The following CNTNAP2 variants were observed in gnomAD, a reference collection of about 807,000 sequenced individuals.
CNTNAP2 encodes contactin associated protein 2, also known as contactin-associated protein-like 2.
Under a neutral mutation model 155.2 loss-of-function variants are expected in CNTNAP2, and 98 were observed. The observed-to-expected ratio is 0.63, with a 90% CI of 0.54 to 0.75. The LOEUF (loss-of-function observed/expected upper bound fraction) is 0.75. CNTNAP2 is among the 30% of genes least tolerant of loss of function. CNTNAP2 has a pLI of 0.00. For missense variants in CNTNAP2, 1,727 were observed against 1,688.1 expected (o/e 1.02, Z -0.40); for synonymous variants, 651 against 631.2 (o/e 1.03, Z -0.47).
chr7:146,628,173 T>C (rs1212298519), intron 1 of CNTNAP2, among the ~76,000 whole-genome samples: 1 of 152,130 alleles, frequency 6.6e-6, no homozygotes, highest in African/African-American at 2.4e-5. Context: ...ACCATTCCTA[T>C]CACCTCAGCA....
At chr7:147,203,295 A>T (rs1802957504) in intron 8 of CNTNAP2, among the ~76,000 whole-genome samples, 1 of 152,040 alleles carries the variant, frequency 6.6e-6, no homozygotes, top group African/African-American at 2.4e-5. Context: ...CCCTGGCTGG[A>T]GTGCAATGGT....
intron 13 of CNTNAP2, among the ~76,000 whole-genome samples, chr7:147,807,553 C>T (rs115479918): frequency 5.7e-4 from 87 of 152,120 alleles, no homozygotes; most frequent in Middle Eastern, 3.4e-3. Context: ...TCTCAGAGCA[C>T]GTAGTCATTC....
intron 1 of CNTNAP2, among the ~76,000 whole-genome samples, chr7:146,323,684 G>A (rs1801044320): frequency 6.6e-6 from 1 of 152,048 alleles, no homozygotes; most frequent in South Asian, 2.1e-4. Context: ...TCTTCTAGGA[G>A]AAACTATAGG....
chr7:146,953,586 C>T (rs536315066), intron 3 of CNTNAP2, among the ~76,000 whole-genome samples: 1 of 151,840 alleles, frequency 6.6e-6, no homozygotes, highest in African/African-American at 2.4e-5. Flanking sequence ...TAAAACAATA[C>T]CTCTTGCATC....
intron 11 of CNTNAP2, among the ~76,000 whole-genome samples, chr7:147,538,635 G>T (rs976042737): frequency 2.0e-5 from 3 of 152,060 alleles, no homozygotes; most frequent in African/African-American, 7.2e-5. Flanking sequence ...GGGAAACAGA[G>T]TGAGATTATA....
At position 146,651,182 on chromosome 7, in the gene CNTNAP2, G is replaced by A. The variant is rs930589255; in HGVS notation, c.98-123089G>A. Among the ~76,000 whole-genome samples the A allele has an allele frequency of 5.9e-5, 9 of 152,208 alleles. No homozygotes were observed. In the East Asian group the frequency reaches 9.6e-4, roughly 16 times the overall value. ...AGTAAGTGAAAAACTGAAAAATTGC[G>A]TATTTTTTTAGAGCAGCTTAGTGGA... On this transcript the variant is annotated intron_variant, in intron 1 of 23. Transcript: ENST00000361727.
chr7:146,932,941 T>C (rs1796810810), intron 3 of CNTNAP2, among the ~76,000 whole-genome samples: 1 of 151,924 alleles, frequency 6.6e-6, no homozygotes, highest in African/African-American at 2.4e-5. Context: ...TAAAACAGGA[T>C]ACAAAGAAAT....
At chr7:146,325,631 G>A (rs1185762655) in intron 1 of CNTNAP2, among the ~76,000 whole-genome samples, 1 of 151,780 alleles carries the variant, frequency 6.6e-6, no homozygotes. Context: ...CACAGGGAGA[G>A]AGAGAGAGAT....
intron 18 of CNTNAP2, among the ~76,000 whole-genome samples, chr7:148,210,615 T>C (rs1795530260): frequency 6.6e-6 from 1 of 152,216 alleles, no homozygotes; most frequent in Non-Finnish European, 1.5e-5. Context: ...AGATTTTTCT[T>C]TGGCATTTTT....
At chr7:146,571,959 TC>T (rs917402501) in intron 1 of CNTNAP2, among the ~76,000 whole-genome samples, 1 of 151,994 alleles carries the variant, frequency 6.6e-6, no homozygotes, top group South Asian at 2.1e-4. Context: ...CCTCAGATGA[TC>T]CCCCCACCTC....
chr7:148,230,800 G>A (rs1350486331), intron 20 of CNTNAP2, among the ~76,000 whole-genome samples: 1 of 152,132 alleles, frequency 6.6e-6, no homozygotes, highest in Non-Finnish European at 1.5e-5. Flanking sequence ...TCAATCAAAG[G>A]TGGCATAATA....
chr7:148,327,983 T>A (rs1585276083), intron 21 of CNTNAP2, among the ~76,000 whole-genome samples: 1 of 152,102 alleles, frequency 6.6e-6, no homozygotes, highest in Admixed American at 6.6e-5. Flanking sequence ...ACAAAGGTAG[T>A]TAGGGCCTTG....
At chr7:146,287,114 A>G (rs1800349436) in intron 1 of CNTNAP2, among the ~76,000 whole-genome samples, 1 of 152,200 alleles carries the variant, frequency 6.6e-6, no homozygotes, top group South Asian at 2.1e-4. Flanking sequence ...GTAGACAGGG[A>G]CATTTCTGTT....
chr7:147,110,671 C>T (rs1800857028), intron 5 of CNTNAP2, among the ~76,000 whole-genome samples: 1 of 152,260 alleles, frequency 6.6e-6, no homozygotes, highest in South Asian at 2.1e-4. Context: ...CAATAGCCTC[C>T]AGCTCCATCC....
chr7:147,497,711 T>C (rs1017455068), intron 11 of CNTNAP2, among the ~76,000 whole-genome samples: 2 of 152,146 alleles, frequency 1.3e-5, no homozygotes, highest in African/African-American at 4.8e-5. Context: ...GATGGAAACA[T>C]ATCCCTACTC....
chr7:146,785,610 A>G (rs1379248286), intron 2 of CNTNAP2, among the ~76,000 whole-genome samples: 2 of 152,248 alleles, frequency 1.3e-5, no homozygotes, highest in East Asian at 1.9e-4. Context: ...ACTATCTCAC[A>G]AATTGTTTGG....
chr7:146,163,609 G>A (rs1045361545), intron 1 of CNTNAP2, among the ~76,000 whole-genome samples: 3 of 143,872 alleles, frequency 2.1e-5, no homozygotes, highest in Admixed American at 7.0e-5. Flanking sequence ...ATATCAGGGC[G>A]TGGTGACAGA....
intron 8 of CNTNAP2, among the ~76,000 whole-genome samples, chr7:147,194,976 T>G (rs1802755609): frequency 6.6e-6 from 1 of 152,234 alleles, no homozygotes; most frequent in Non-Finnish European, 1.5e-5. Context: ...TTTGGCATTT[T>G]TGTCATGAAG....
chr7:146,721,889 A>ATATTTTTTTTTTTTTTTTTTT lies in CNTNAP2; in HGVS notation c.98-52381_98-52380insATTTTTTTTTTTTTTTTTTTT. Reference sequence around the variant, plus strand: ...TGTGTGTGTGTGTATATATATATATATTTTTTTTTTTTTTTTTGAGATGGA... The same window carrying ATATTTTTTTTTTTTTTTTTTT: ...TGTGTGTGTGTGTATATATATATATATATTTTTTTTTTTTTTTTTTTTTTTTTTTTTTTTTTTTGAGATGGA... On this transcript the variant is annotated intron_variant, in intron 1 of 23. Transcript: ENST00000361727. Among the ~76,000 whole-genome samples the ATATTTTTTTTTTTTTTTTTTT allele has an allele frequency of 5.7e-5, 4 of 69,708 alleles. 2 individuals carry two copies. The African/African-American group carries it at 7.6e-4, about 13-fold the overall frequency. 45.7% of individuals were successfully genotyped at this position (69,708 alleles called of 152,430 possible).
Sources: gnomAD v4.1 joint callset for allele counts (sites outside exome capture counted in the v4.1 genomes callset) on GRCh38, gnomAD v4.1.1 for gene constraint, MANE v1.5 for transcripts, NCBI Gene and HGNC (gene_info 2026-07-23, HGNC 2026-07-21) for gene names.